Variants in TENM3 observed in about 807,000 individuals in gnomAD.
TENM3 encodes the protein teneurin-3.
TENM3 carries 63 observed loss-of-function variants against 255.1 expected under a neutral mutation model. The observed-to-expected ratio is 0.25, with a 90% CI of 0.20 to 0.30. The LOEUF is 0.30. TENM3 is among the 10% of genes least tolerant of loss of function. The probability of loss-of-function intolerance (pLI) is 1.00; values close to 1 mark genes in which losing one functional copy is unlikely to be tolerated. For missense variants in TENM3, 2,929 were observed against 3,461.1 expected (o/e 0.85, Z 3.86); for synonymous variants, 1,306 against 1,322.3 (o/e 0.99, Z 0.27).
intron 3 of TENM3, among the ~76,000 whole-genome samples, chr4:182,361,413 T>A (rs1561364864): frequency 6.6e-6 from 1 of 152,254 alleles, no homozygotes; most frequent in Non-Finnish European, 1.5e-5. Context: ...GAGGCTTTGT[T>A]CGTTTCTCTT....
intron 1 of TENM3, among the ~76,000 whole-genome samples, chr4:182,166,568 G>A (rs951341317): frequency 1.4e-4 from 22 of 152,184 alleles, no homozygotes; most frequent in African/African-American, 5.3e-4. Flanking sequence ...ATTGCCCATA[G>A]TATGCAGGTA....
the TENM3 span, among the ~76,000 whole-genome samples, chr4:181,466,088 G>C: frequency 2.0e-5 from 3 of 151,222 alleles, no homozygotes; most frequent in Admixed American, 6.6e-5. Flanking sequence ...TGCCTATGTG[G>C]AAGGAGCCTG....
chr4:182,285,084 G>A (rs1561280694), intron 1 of TENM3, among the ~76,000 whole-genome samples: 5 of 152,022 alleles, frequency 3.3e-5, no homozygotes, highest in Non-Finnish European at 7.4e-5. Context: ...ACAGCCACGC[G>A]GTTATCTTCC....
chr4:181,980,301 C>T, the TENM3 span: 1 of 152,180 alleles, frequency 6.6e-6, no homozygotes. Context: ...CTCATCTCTC[C>T]CACATTGTAG....
chr4:181,913,420 G>A, the TENM3 span, among the ~76,000 whole-genome samples: 85 of 152,304 alleles, frequency 5.6e-4, no homozygotes, highest in Middle Eastern at 3.4e-3. Flanking sequence ...TGCGGATGGA[G>A]CAATGGCGAG....
chr4:181,637,531 G>C, the TENM3 span, among the ~76,000 whole-genome samples: 1 of 152,182 alleles, frequency 6.6e-6, no homozygotes, highest in African/African-American at 2.4e-5. Context: ...ATAGTCCCTG[G>C]AGGAGCCCGT....
chr4:181,849,949 T>TCTCTCTCTCTCTCTCTCACA, the TENM3 span, among the ~76,000 whole-genome samples: 581 of 65,866 alleles, frequency 8.8e-3, 5 homozygotes, highest in African/African-American at 0.013. Flanking sequence ...TCTCTCTCTC[T>TCTCTCTCTCTCTCTCTCACA]CACACACACA....
intron 3 of TENM3, among the ~76,000 whole-genome samples, chr4:182,589,459 T>TTG (rs1051263988): frequency 1.3e-5 from 2 of 151,064 alleles, no homozygotes; most frequent in Admixed American, 6.6e-5. Flanking sequence ...TTTTTTTTTT[T>TTG]TTTTTTGGTC....
At chr4:181,520,558 A>G in the TENM3 span, among the ~76,000 whole-genome samples, 1 of 152,186 alleles carries the variant, frequency 6.6e-6, no homozygotes, top group Non-Finnish European at 1.5e-5. Flanking sequence ...AAACAAAAAA[A>G]CCTCTAGTTT....
the TENM3 span, chr4:181,820,129 T>C: frequency 6.6e-6 from 1 of 152,162 alleles, no homozygotes; most frequent in African/African-American, 2.4e-5. Flanking sequence ...TACTTGGAAG[T>C]TGTCCAGGAG....
rs1038558270 is a variant in TENM3, at chr4:182,801,086, G to GTGT, written c.*737_*739dup. The GTGT allele has an allele frequency of 2.6e-5, 4 of 152,610 alleles. No individual in the cohort carries two copies. Among genetic ancestry groups the GTGT allele is most frequent in the African/African-American group, 9.7e-5 (4 of 41,450 alleles). The allele number at this position is 152,610 out of a possible 1,614,324, so 9.5% of individuals were successfully genotyped here. A position where few individuals can be genotyped will look rare whatever the true frequency, so the allele number is the denominator to read the frequency against. On this transcript the variant is annotated 3_prime_UTR_variant, in exon 28 of 28. Transcript: ENST00000511685. ...TCTCAGAGGAGTTAATTTATGTAAA[G>GTGT]TGTTTAAAAATTTATACTTAAAAAT... is the stretch of plus-strand genomic sequence containing the variant.
At chr4:181,561,964 C>G in the TENM3 span, among the ~76,000 whole-genome samples, 1 of 150,992 alleles carries the variant, frequency 6.6e-6, no homozygotes, top group African/African-American at 2.5e-5. Context: ...TGGGTGTTTT[C>G]TTTTCTTTTT....
chr4:181,922,203 G>T, the TENM3 span, among the ~76,000 whole-genome samples: 1 of 152,010 alleles, frequency 6.6e-6, no homozygotes, highest in African/African-American at 2.4e-5. Context: ...CTCTTTTTTG[G>T]TTGTGTCTCT....
chr4:181,583,788 C>T, the TENM3 span, among the ~76,000 whole-genome samples: 7 of 152,190 alleles, frequency 4.6e-5, no homozygotes, highest in Admixed American at 2.6e-4. Context: ...ACACAAACTC[C>T]TAATGTCTAT....
chr4:182,728,873 G>GA lies in TENM3; in HGVS notation c.2369-79dup, dbSNP rs5864796. The GA allele has an allele frequency of 7.5e-3, 5,506 of 730,782 alleles. 2 individuals carry two copies. Among genetic ancestry groups the GA allele is most frequent in the Non-Finnish European group, 8.9e-3 (4,218 of 472,486 alleles). The allele number at this position is 730,782 out of a possible 1,614,324, so 45.3% of individuals were successfully genotyped here. ...ATAGTCGGGAGAAATCACTTGATGT[G>GA]AAAAAAAAAAAAACAGTCAAGAAAC... On this transcript the variant is annotated intron_variant, in intron 13 of 27. Coordinates refer to ENST00000511685, the MANE Select transcript of TENM3 (RefSeq NM_001080477.4).
intron 3 of TENM3, among the ~76,000 whole-genome samples, chr4:182,433,761 G>A (rs535040037): frequency 3.9e-5 from 6 of 152,272 alleles, no homozygotes; most frequent in African/African-American, 9.6e-5. Flanking sequence ...TGAATACAGA[G>A]GCCATGTAAT....
the TENM3 span, among the ~76,000 whole-genome samples, chr4:181,921,606 G>T: frequency 6.6e-6 from 1 of 152,184 alleles, no homozygotes; most frequent in East Asian, 1.9e-4. Context: ...CTTTGCTGAA[G>T]TTGCTTATCA....
intron 4 of TENM3, among the ~76,000 whole-genome samples, chr4:182,615,573 A>T (rs1228533600): frequency 6.6e-6 from 1 of 152,180 alleles, no homozygotes; most frequent in African/African-American, 2.4e-5. Flanking sequence ...AAGGAAATAG[A>T]TGCTGGTATC....
the TENM3 span, among the ~76,000 whole-genome samples, chr4:181,478,391 G>A: frequency 1.3e-5 from 2 of 152,142 alleles, no homozygotes; most frequent in African/African-American, 4.8e-5. Context: ...CTTTGGTAAT[G>A]TTGCTGCTAC....
Sources: allele counts gnomAD v4.1 joint callset (sites outside exome capture counted in the v4.1 genomes callset), GRCh38; gene constraint gnomAD v4.1.1; transcripts MANE v1.5; gene names NCBI Gene and HGNC (gene_info 2026-07-23, HGNC 2026-07-21).